Variants in CAMSAP1 observed in about 807,000 individuals in gnomAD.
The protein encoded by CAMSAP1 is calmodulin-regulated spectrin-associated protein 1.
A neutral mutation model predicts 143.5 loss-of-function variants in CAMSAP1; 58 were observed. That is an observed-to-expected ratio of 0.40 (90% CI 0.33 to 0.50). The LOEUF (loss-of-function observed/expected upper bound fraction) is 0.50. CAMSAP1 is among the 20% of genes least tolerant of loss of function. CAMSAP1 has a pLI of 0.45. For synonymous variants in CAMSAP1, 945 were observed against 859.3 expected (o/e 1.10, Z -1.74); for missense variants, 1,969 against 2,115.7 (o/e 0.93, Z 1.36).
Position 135,866,548 on chromosome 9 carries a change from G to A in CAMSAP1, c.586-12C>T. 8.1e-7 allele frequency: 1 copy of A among 1,233,812 alleles called. No homozygotes were observed. The highest frequency in any genetic ancestry group is 1.2e-6 in the Non-Finnish European group (1 of 857,858). The allele number at this position is 1,233,812 out of a possible 1,614,324, so 76.4% of individuals were successfully genotyped here. Reference sequence around the variant, plus strand: ...ATTTTAAGATTTACCTAAAGTAGAAGAGAAATGCATTAAAGAGGTAATTGC... The same window carrying A: ...ATTTTAAGATTTACCTAAAGTAGAAAAGAAATGCATTAAAGAGGTAATTGC... On this transcript the variant is annotated splice_polypyrimidine_tract_variant and intron_variant, in intron 3 of 16. Transcript: ENST00000389532.
At position 135,821,434 on chromosome 9, in the gene CAMSAP1, A is replaced by G. The variant is rs1588444400; in HGVS notation, c.3227T>C (p.Val1076Ala). The G allele has an allele frequency of 6.2e-7, 1 of 1,613,924 alleles. No individual in the cohort carries two copies. The highest frequency in any genetic ancestry group is 8.5e-7 in the Non-Finnish European group (1 of 1,179,900). ...CACGCCCGTGGGAGAGAGTGGCTCC[A>G]CGAAGTGGACTGGTGCCTTCACTTT... Reference protein sequence around the residue: ...DHKVKAPVHFVEPLSPTGVAG... With the variant: ...DHKVKAPVHFAEPLSPTGVAG... The change falls in exon 11 of 17, where the codon GTG becomes GCG. Residue 1076 changes from valine to alanine, a missense_variant. Physicochemically the swap from Val to Ala is moderately conservative, Grantham distance 64 (BLOSUM62 0). Transcript: ENST00000389532. This position sits in a 1 kb window ranked among gnomAD's most constrained non-coding sequence, Gnocchi z 4.6.
chr9:135,887,012 T>C (rs1838144900), intron 1 of CAMSAP1, among the ~76,000 whole-genome samples: 1 of 151,792 alleles, frequency 6.6e-6, no homozygotes, highest in Non-Finnish European at 1.5e-5. Flanking sequence ...AGCTTTGCAA[T>C]GGAGAGGTGT....
chr9:135,883,249 G>A (rs1306183432), intron 1 of CAMSAP1, among the ~76,000 whole-genome samples, 171 bp from the exon 2 acceptor site: 1 of 152,200 alleles, frequency 6.6e-6, no homozygotes, highest in African/African-American at 2.4e-5. Flanking sequence ...AACTAACAAC[G>A]TGAAAAGGCT....
Position 135,821,342 on chromosome 9 carries a change from G to T in CAMSAP1, c.3319C>A (p.Leu1107Met). ...TGTGGCCTGTCTTTTGGGACCTTCA[G>T]CTCCGCCGGCCTTCCGGAACGGGAA... ...RNSRSGRPAE[L>M]KVPKDRPQGS... The change falls in exon 11 of 17, where the codon CTG becomes ATG. Residue 1107 changes from leucine to methionine, a missense_variant. By Grantham distance (15) the Leu-to-Met change is conservative. Around this residue, in one of 4 missense-constraint regions of CAMSAP1, gnomAD observed 1,390 missense variants for 1,420.8 expected, o/e 0.98. Transcript: ENST00000389532. This position sits in a 1 kb window ranked among gnomAD's most constrained non-coding sequence, Gnocchi z 4.6. 6.2e-7 allele frequency: 1 copy of T among 1,613,588 alleles called. No homozygotes were observed.
intron 1 of CAMSAP1, among the ~76,000 whole-genome samples, chr9:135,900,207 G>A (rs1838575538): frequency 6.6e-6 from 1 of 151,898 alleles, no homozygotes; most frequent in Non-Finnish European, 1.5e-5. Flanking sequence ...TATGTTCTTT[G>A]TAGAGACAGT....
intron 1 of CAMSAP1, among the ~76,000 whole-genome samples, chr9:135,904,591 G>A (rs1479538261): frequency 1.3e-5 from 2 of 151,826 alleles, no homozygotes; most frequent in Non-Finnish European, 2.9e-5. Flanking sequence ...ACCACACCTG[G>A]CTTAAAAACT....
At chr9:135,872,946 A>G (rs1253162159) in intron 3 of CAMSAP1, among the ~76,000 whole-genome samples, 1 of 152,268 alleles carries the variant, frequency 6.6e-6, no homozygotes, top group East Asian at 1.9e-4. Context: ...ATAGGACTAA[A>G]GACAGGAAAA....
At chr9:135,835,569 C>T (rs1421331870) in intron 7 of CAMSAP1, among the ~76,000 whole-genome samples, 1 of 152,210 alleles carries the variant, frequency 6.6e-6, no homozygotes, top group Non-Finnish European at 1.5e-5. Flanking sequence ...CACTGGTGAG[C>T]TTATCCCATG....
Position 135,820,943 on chromosome 9 carries a change from C to G in CAMSAP1, c.3718G>C (p.Asp1240His), listed in dbSNP as rs955689372. ...CCATCCTCGTCGGGGGCCTTCAGGT[C>G]GGAGAGGTCCACTTCAATGAGGCTG... ...RASLIEVDLSDLKAPDEDGEL... is the reference protein window; with the variant it reads ...RASLIEVDLSHLKAPDEDGEL... Residue 1240 changes from aspartate to histidine, a missense_variant, in exon 11 of 17, where the codon GAC becomes CAC. This residue lies in a region of CAMSAP1 where 1,390 missense variants were observed against 1,420.8 expected (regional missense o/e 0.98). Coordinates refer to ENST00000389532, the MANE Select transcript of CAMSAP1 (RefSeq NM_015447.4). The surrounding 1 kb of genome is among the most constrained non-coding windows in gnomAD (Gnocchi z 4.4). The G allele has an allele frequency of 6.2e-7, 1 of 1,613,698 alleles. No homozygotes were observed. The highest frequency in any genetic ancestry group is 8.5e-7 in the Non-Finnish European group (1 of 1,179,754).
chr9:135,875,138 A>G (rs1837696813), intron 3 of CAMSAP1, among the ~76,000 whole-genome samples: 1 of 152,158 alleles, frequency 6.6e-6, no homozygotes, highest in Admixed American at 6.5e-5. Context: ...CCCAGCAAGT[A>G]TTCTTATAGA....
At chr9:135,851,908 C>G (rs1205723475) in intron 5 of CAMSAP1, among the ~76,000 whole-genome samples, 1 of 152,216 alleles carries the variant, frequency 6.6e-6, no homozygotes, top group Non-Finnish European at 1.5e-5. Context: ...ACTCGCTGGG[C>G]CACGAGCTAG....
intron 1 of CAMSAP1, among the ~76,000 whole-genome samples, chr9:135,900,661 C>T (rs1467688753): frequency 6.6e-6 from 1 of 152,012 alleles, no homozygotes; most frequent in African/African-American, 2.4e-5. Flanking sequence ...TGCCACTGCA[C>T]TCCAGCCTGG....
chr9:135,890,129 C>T (rs547527929), intron 1 of CAMSAP1, among the ~76,000 whole-genome samples: 1 of 152,082 alleles, frequency 6.6e-6, no homozygotes, highest in Non-Finnish European at 1.5e-5. Flanking sequence ...TAGGACAGTG[C>T]ACACAGCTCA....
rs568823668 is a variant in CAMSAP1 at position 135,810,343 on chromosome 9, G to A, written c.*966C>T. ...ATGCAGAATCCAGACAGGACAAGCC[G>A]TGACCTAACAAAACCACTGAAGGGA... On this transcript the variant is annotated 3_prime_UTR_variant, in exon 17 of 17. Coordinates refer to ENST00000389532, the MANE Select transcript of CAMSAP1 (RefSeq NM_015447.4). The A allele has an allele frequency of 8.5e-5, 13 of 152,374 alleles. No homozygotes were observed. Among genetic ancestry groups the A allele is most frequent in the African/African-American group, 2.4e-4 (10 of 41,592 alleles). 9.4% of individuals were successfully genotyped at this position (152,374 alleles called of 1,614,324 possible). A position where few individuals can be genotyped will look rare whatever the true frequency, so the allele number is the denominator to read the frequency against.
chr9:135,906,118 G>A (rs1357906132), intron 1 of CAMSAP1, among the ~76,000 whole-genome samples: 2 of 152,160 alleles, frequency 1.3e-5, no homozygotes, highest in African/African-American at 4.8e-5. Flanking sequence ...AGTCTAGCTG[G>A]GGCACAGGCC....
intron 1 of CAMSAP1, among the ~76,000 whole-genome samples, chr9:135,897,807 TATGA>T (rs1284793622): frequency 6.6e-6 from 1 of 152,198 alleles, no homozygotes; most frequent in African/African-American, 2.4e-5. Context: ...ATTTAAAACT[TATGA>T]ATTATTTCTA....
chr9:135,900,730 G>A (rs145610009), intron 1 of CAMSAP1, among the ~76,000 whole-genome samples: 389 of 152,058 alleles, frequency 2.6e-3, no homozygotes, highest in Non-Finnish European at 4.8e-3. Flanking sequence ...GGGAGCTCAG[G>A]AAAGCCAGAA....
chr9:135,825,211 G>C (rs2131670317), intron 8 of CAMSAP1, among the ~76,000 whole-genome samples: 2 of 152,100 alleles, frequency 1.3e-5, no homozygotes, highest in Middle Eastern at 6.8e-3. Context: ...CCTCTGACAA[G>C]CAACAGTTTT....
chr9:135,830,771 T>A (rs367827656), intron 7 of CAMSAP1, among the ~76,000 whole-genome samples: 20 of 152,324 alleles, frequency 1.3e-4, no homozygotes, highest in African/African-American at 4.8e-4. Flanking sequence ...GGACCCATTC[T>A]CCAGAACAGA....
Sources: allele counts gnomAD v4.1 joint callset (sites outside exome capture counted in the v4.1 genomes callset), GRCh38; gene constraint gnomAD v4.1.1; regional missense constraint gnomAD v4.1.1; non-coding constraint Gnocchi (gnomAD v3.1); transcripts MANE v1.5; gene names NCBI Gene and HGNC (gene_info 2026-07-23, HGNC 2026-07-21).